The following GABRB1 variants were observed in gnomAD, a reference collection of about 807,000 sequenced individuals.
GABRB1 encodes the protein gamma-aminobutyric acid receptor subunit beta-1.
In GABRB1, 17 loss-of-function variants were observed where a neutral mutation model predicts 51.6. The observed-to-expected ratio is 0.33, with a 90% confidence interval of 0.23 to 0.49. The LOEUF is 0.49. Among genes scored for constraint, GABRB1 ranks in the 20% least tolerant of loss-of-function variants. The pLI is 0.99. For synonymous variants in GABRB1, 247 were observed against 218.9 expected, an observed-to-expected ratio of 1.13 and a Z score of -1.14; for missense variants, 410 against 600.6, an observed-to-expected ratio of 0.68 and a Z score of 3.32.
At chr4:47,201,916 G>A (rs1719911656) in intron 4 of GABRB1, among the ~76,000 whole-genome samples, 1 of 152,048 alleles carries the variant, frequency 6.6e-6, no homozygotes, top group Non-Finnish European at 1.5e-5. Context: ...ATATAAAAAA[G>A]TACTCTTGTA....
At chr4:47,125,611 A>G (rs1416710110) in intron 3 of GABRB1, among the ~76,000 whole-genome samples, 4 of 105,268 alleles carry the variant, frequency 3.8e-5, no homozygotes, top group African/African-American at 1.3e-4. Context: ...GCTGGAGTGC[A>G]GTGGCGGGAT....
chr4:47,219,765 T>A (rs138375428), intron 4 of GABRB1, among the ~76,000 whole-genome samples: 68 of 152,008 alleles, frequency 4.5e-4, no homozygotes, highest in African/African-American at 1.5e-3. Flanking sequence ...AAAAGCTATC[T>A]AAATCTCCTC....
intron 5 of GABRB1, among the ~76,000 whole-genome samples, chr4:47,379,349 A>T (rs1172434507): frequency 6.6e-6 from 1 of 152,222 alleles, no homozygotes; most frequent in African/African-American, 2.4e-5. Context: ...GAGTACCAAT[A>T]CAGCCATTCA....
intron 4 of GABRB1, among the ~76,000 whole-genome samples, chr4:47,257,838 C>T (rs946770675): frequency 2.6e-5 from 4 of 151,812 alleles, no homozygotes; most frequent in African/African-American, 9.7e-5. Flanking sequence ...ACAGTCCTAC[C>T]ATTATAAAGA....
chr4:47,357,002 T>G (rs1251940007), intron 5 of GABRB1, among the ~76,000 whole-genome samples: 1 of 152,200 alleles, frequency 6.6e-6, no homozygotes. Flanking sequence ...TGAGACCTAA[T>G]GTAAGAAATG....
At chr4:46,997,589 C>A (rs1222035292) in intron 1 of GABRB1, among the ~76,000 whole-genome samples, 1 of 151,888 alleles carries the variant, frequency 6.6e-6, no homozygotes, top group African/African-American at 2.4e-5. Context: ...TAAGTGAGAT[C>A]ATTTCATATT....
intron 5 of GABRB1, among the ~76,000 whole-genome samples, chr4:47,388,723 T>C (rs988396623): frequency 1.6e-4 from 24 of 152,122 alleles, no homozygotes; most frequent in Admixed American, 1.4e-3. Flanking sequence ...GGCTGCATAC[T>C]TCATGGGACA....
At chr4:47,115,220 C>A (rs912955096) in intron 3 of GABRB1, among the ~76,000 whole-genome samples, 2 of 152,092 alleles carry the variant, frequency 1.3e-5, no homozygotes, top group African/African-American at 4.8e-5. Context: ...AAATGGAATC[C>A]TTCTTATCCC....
At chr4:47,011,640 G>A (rs1286639460) in intron 1 of GABRB1, among the ~76,000 whole-genome samples, 1 of 152,108 alleles carries the variant, frequency 6.6e-6, no homozygotes, top group Non-Finnish European at 1.5e-5. Context: ...GTTTGATTAA[G>A]CCTTGCTTCA....
intron 4 of GABRB1, among the ~76,000 whole-genome samples, chr4:47,242,738 A>AT (rs1291618381): frequency 4.0e-5 from 6 of 151,422 alleles, no homozygotes; most frequent in Non-Finnish European, 7.4e-5. Context: ...GGGTTGTTTG[A>AT]TTTTTTCTTG....
intron 4 of GABRB1, among the ~76,000 whole-genome samples, chr4:47,243,236 T>C (rs1175259938): frequency 6.6e-6 from 1 of 152,208 alleles, no homozygotes; most frequent in Non-Finnish European, 1.5e-5. Context: ...CTCTGTTCCA[T>C]TGGTCTATAT....
intron 5 of GABRB1, among the ~76,000 whole-genome samples, chr4:47,392,496 C>T (rs1728033719): frequency 6.6e-6 from 1 of 152,150 alleles, no homozygotes; most frequent in Non-Finnish European, 1.5e-5. Flanking sequence ...GTGTGCACCA[C>T]CACGCCCAGC....
At position 47,403,272 on chromosome 4, in the gene GABRB1, T is replaced by C. The variant is rs1261162263; in HGVS notation, c.545-46T>C. The stretch of plus-strand genomic sequence containing the variant: ...TCTAGCTCCCAGATGGTATTCAAAA[T>C]GATTTCCTAAACTTTGTTTAACCGT... On this transcript the variant is annotated intron_variant, in intron 5 of 8. Coordinates refer to ENST00000295454, the MANE Select transcript of GABRB1 (RefSeq NM_000812.4). The C allele has an allele frequency of 4.4e-6, 7 of 1,602,722 alleles. No homozygotes were observed. In the African/African-American group the frequency reaches 8.0e-5, roughly 18 times the overall value.
At chr4:47,217,646 A>T (rs953095630) in intron 4 of GABRB1, among the ~76,000 whole-genome samples, 3 of 150,818 alleles carry the variant, frequency 2.0e-5, no homozygotes, top group Non-Finnish European at 4.5e-5. Flanking sequence ...TTCCCTCCCC[A>T]GCTTATTTAT....
At chr4:47,380,401 C>T (rs1030451233) in intron 5 of GABRB1, among the ~76,000 whole-genome samples, 1 of 152,160 alleles carries the variant, frequency 6.6e-6, no homozygotes, top group African/African-American at 2.4e-5. Flanking sequence ...ACTTAGCCAA[C>T]GTCTTCCTTT....
Position 47,246,744 on chromosome 4 carries a change from C to T in GABRB1, c.462-73383C>T, listed in dbSNP as rs547779433. On this transcript the variant is annotated intron_variant, in intron 4 of 8. Transcript: ENST00000295454. ...TTCTCAAAGGAGTAAGGTGGTATCACGTTGTGGTTTTGATTTGCATTTCTC... is the reference window on the plus strand; with the variant it reads ...TTCTCAAAGGAGTAAGGTGGTATCATGTTGTGGTTTTGATTTGCATTTCTC... Among the ~76,000 whole-genome samples, 6 of 151,990 alleles carry T rather than the reference C, an allele frequency of 3.9e-5. No homozygotes were observed. The East Asian group carries it at 9.7e-4, about 25-fold the overall frequency.
intron 5 of GABRB1, among the ~76,000 whole-genome samples, chr4:47,371,682 T>C (rs1727202941): frequency 6.6e-6 from 1 of 152,264 alleles, no homozygotes; most frequent in African/African-American, 2.4e-5. Context: ...GTTTCTCTAA[T>C]GATCCGTGAT....
In GABRB1 at chr4:47,024,805, A is replaced by C. The variant is rs1420242822; in HGVS notation, c.-19-7109A>C. Among the ~76,000 whole-genome samples the C allele has an allele frequency of 5.9e-5, 9 of 151,412 alleles. No individual in the cohort carries two copies. The East Asian group carries it at 1.4e-3, about 23-fold the overall frequency. ...CCTCATAGCTTAGCTCCCACTTATG[A>C]GTGAAAACATATAATGTTTGGTTTT... On this transcript the variant is annotated intron_variant, in intron 1 of 3. Transcript: ENST00000513567.
At chr4:47,187,592 A>G (rs1356297255) in intron 4 of GABRB1, among the ~76,000 whole-genome samples, 1 of 151,888 alleles carries the variant, frequency 6.6e-6, no homozygotes, top group East Asian at 1.9e-4. Context: ...GGATCCTCCC[A>G]TGCCGACTCC....
Sources: allele counts gnomAD v4.1 joint callset (sites outside exome capture counted in the v4.1 genomes callset), GRCh38; gene constraint gnomAD v4.1.1; transcripts MANE v1.5; gene names NCBI Gene and HGNC (gene_info 2026-07-23, HGNC 2026-07-21).